Variants in RGPD3 observed in about 807,000 individuals in gnomAD.
RGPD3 encodes the protein ranBP2-like and GRIP domain-containing protein 3.
RGPD3 carries 62 observed loss-of-function variants against 154.5 expected under a neutral mutation model. The ratio of observed to expected loss-of-function variants is 0.40; its 90% CI spans 0.33 to 0.50. The LOEUF is 0.50. Among genes scored for constraint, RGPD3 ranks in the 20% least tolerant of loss-of-function variants. RGPD3 has a pLI of 0.59. For missense variants in RGPD3, 919 were observed against 1,716.8 expected, an observed-to-expected ratio of 0.54 and a Z score of 8.21; for synonymous variants, 308 against 607.0, an observed-to-expected ratio of 0.51 and a Z score of 7.24.
chr2:106,423,706 T>A lies in RGPD3; in HGVS notation c.4261A>T (p.Lys1421Ter). Residue 1421 changes from lysine to a stop codon, truncating the protein, a stop_gained, in exon 20 of 23, where the codon AAA (lysine) becomes TAA (stop). Coordinates refer to ENST00000409886, the MANE Select transcript of RGPD3 (RefSeq NM_001144013.2). LOFTEE classifies it high-confidence loss of function. ...CACACCCATACTCTTTCTGTCCCTT[T>A]CATATTTTGCAAACTCATGTCTGGA... ...ITPDMSLQNMKGTERVWVWTA... is the reference protein window; with the variant it reads ...ITPDMSLQNM 1 of 1,611,044 alleles carries A rather than the reference T, an allele frequency of 6.2e-7. No individual in the cohort carries two copies. The highest frequency in any genetic ancestry group is 8.5e-7 in the Non-Finnish European group (1 of 1,179,468).
Position 106,436,110 on chromosome 2 carries a change from C to T in RGPD3, c.1758+13G>A, listed in dbSNP as rs746163697. ...GTAATGTTCTTTTAAAATGCTTATA[C>T]TTTAAAACTCACCATTTTCTGAAGG... On this transcript the variant is annotated intron_variant, in intron 12 of 22. Transcript: ENST00000409886. 17 of 1,601,370 alleles carry T rather than the reference C, an allele frequency of 1.1e-5. No homozygotes were observed. The highest frequency in any genetic ancestry group is 1.4e-5 in the Non-Finnish European group (16 of 1,176,770).
chr2:106,446,149 TTCCC>T (rs1458836480), intron 7 of RGPD3, among the ~76,000 whole-genome samples: 5 of 121,302 alleles, frequency 4.1e-5, no homozygotes, highest in Non-Finnish European at 8.4e-5. Context: ...ATCCTTTTTT[TTCCC>T]TCCCTAAGCA....
chr2:106,440,492 G>C (rs1419402844), intron 8 of RGPD3, among the ~76,000 whole-genome samples: 2 of 150,718 alleles, frequency 1.3e-5, no homozygotes, highest in Non-Finnish European at 2.9e-5. Context: ...TGCAAGGGTA[G>C]AAGGAAAAGA....
chr2:106,421,119 G>A (rs1676972529), intron 20 of RGPD3, among the ~76,000 whole-genome samples: 1 of 152,072 alleles, frequency 6.6e-6, no homozygotes. Flanking sequence ...ACAGATTCTT[G>A]TTCCACTTCT....
chr2:106,465,970 GTCCC>G (rs2104525901), intron 1 of RGPD3, among the ~76,000 whole-genome samples: 1 of 152,168 alleles, frequency 6.6e-6, no homozygotes, highest in Admixed American at 6.5e-5. Flanking sequence ...AGCTGCGTCA[GTCCC>G]CACTGGGTTC....
At chr2:106,418,466 C>T (rs979435807) in intron 20 of RGPD3, among the ~76,000 whole-genome samples, 6 of 152,074 alleles carry the variant, frequency 3.9e-5, no homozygotes, top group Non-Finnish European at 7.3e-5. Flanking sequence ...ATTGTTGCTG[C>T]TCACACCTAC....
chr2:106,415,408 T>G (rs185303765), intron 21 of RGPD3, among the ~76,000 whole-genome samples: 158 of 152,248 alleles, frequency 1.0e-3, no homozygotes, highest in African/African-American at 3.6e-3. Flanking sequence ...CTGGATGCGG[T>G]GGCTCACGTC....
chr2:106,409,723 C>A (rs1045976898), intron 22 of RGPD3, among the ~76,000 whole-genome samples: 3 of 151,144 alleles, frequency 2.0e-5, no homozygotes, highest in Non-Finnish European at 4.4e-5. Context: ...TCCAGCCATT[C>A]TCTTCATATA....
At chr2:106,441,699 A>T (rs1384962936) in intron 7 of RGPD3, among the ~76,000 whole-genome samples, 83 of 141,510 alleles carry the variant, frequency 5.9e-4, no homozygotes, top group African/African-American at 2.0e-3. Flanking sequence ...TACTAAAAAT[A>T]AAAAAAAAAA....
rs780449280 is a variant in RGPD3, at chr2:106,424,037, A to T, written c.3930T>A (p.Asn1310Lys). 4 of 1,611,590 alleles carry T rather than the reference A, an allele frequency of 2.5e-6. No homozygotes were observed. The African/African-American group carries it at 5.4e-5, about 22-fold the overall frequency. ...LSLSKSPAKL[N>K]QSGTSVGTDE... ...CAGTGCCAACTGAAGTCCCACTCTG[A>T]TTCAACTTGGCAGGAGACTTAGATA... is the stretch of plus-strand genomic sequence containing the variant. The change falls in exon 20 of 23, where the codon AAT (asparagine) becomes AAA (lysine). Residue 1310 changes from asparagine (N) to lysine (K), a missense_variant. Asn to Lys is a moderately conservative substitution (Grantham distance 94, BLOSUM62 0). Coordinates refer to ENST00000409886, the MANE Select transcript of RGPD3 (RefSeq NM_001144013.2).
chr2:106,435,519 G>A (rs1374646541), intron 12 of RGPD3, among the ~76,000 whole-genome samples: 3 of 143,884 alleles, frequency 2.1e-5, no homozygotes, highest in Admixed American at 7.1e-5. Context: ...TAGTAGAGAC[G>A]GGGTTTCACC....
At chr2:106,455,052 G>A (rs1336661227) in intron 4 of RGPD3, among the ~76,000 whole-genome samples, 1 of 152,178 alleles carries the variant, frequency 6.6e-6, no homozygotes, top group East Asian at 1.9e-4. Context: ...TGTAATCCCA[G>A]CACTTTGGGA....
At chr2:106,446,519 A>G (rs62152508) in intron 7 of RGPD3, among the ~76,000 whole-genome samples, 44,370 of 88,024 alleles carry the variant, frequency 0.5, 9,273 homozygotes, top group East Asian at 0.82. Context: ...GCAGTGAGCC[A>G]AGATCGTGCC....
chr2:106,466,296 G>A (rs1351683668), intron 1 of RGPD3, among the ~76,000 whole-genome samples: 4 of 151,722 alleles, frequency 2.6e-5, no homozygotes, highest in Non-Finnish European at 5.9e-5. Context: ...GCCGGCGGGC[G>A]CCGCAACAGA....
intron 18 of RGPD3, among the ~76,000 whole-genome samples, chr2:106,426,953 T>TG (rs1213405142): frequency 1.3e-4 from 19 of 151,242 alleles, no homozygotes; most frequent in African/African-American, 4.6e-4. Context: ...GAAATTACTA[T>TG]GGGGAGGAAG....
chr2:106,423,916 C>G lies in RGPD3; in HGVS notation c.4051G>C (p.Glu1351Gln), dbSNP rs3974054. Residue 1351 changes from glutamate to glutamine, a missense_variant, in exon 20 of 23, where the codon GAG becomes CAG. Coordinates refer to ENST00000409886, the MANE Select transcript of RGPD3 (RefSeq NM_001144013.2). ...LPDLVEVSSG[E>Q]ENEQVVFSHR... The stretch of plus-strand genomic sequence containing the variant: ...CTAAAAACAACTTGTTCATTTTCCT[C>G]ACCACTGGATACTTCAACTAGATCA... 145,470 of 1,611,600 alleles carry G rather than the reference C, an allele frequency of 0.09. 7,135 individuals carry two copies. The highest frequency in any genetic ancestry group is 0.17 in the Admixed American group (10,344 of 59,958).
intron 6 of RGPD3, among the ~76,000 whole-genome samples, chr2:106,448,941 T>C (rs1678019299): frequency 6.6e-6 from 1 of 151,164 alleles, no homozygotes; most frequent in Non-Finnish European, 1.5e-5. Context: ...TCCACCCGCC[T>C]TGGCCTCCCA....
chr2:106,459,461 T>C (rs377600930), intron 1 of RGPD3, 129 bp from the exon 2 acceptor site: 18,701 of 452,014 alleles, frequency 0.041, 346 homozygotes, highest in Middle Eastern at 0.067. Flanking sequence ...AAGTTTTTTT[T>C]AAAGCCTGAC....
chr2:106,467,059 C>A (rs1380157055), intron 1 of RGPD3, among the ~76,000 whole-genome samples: 1 of 123,622 alleles, frequency 8.1e-6, no homozygotes, highest in South Asian at 3.1e-4. Context: ...CAGCGCCGGT[C>A]GGGAGCCATG....
Sources: gnomAD v4.1 joint callset for allele counts (sites outside exome capture counted in the v4.1 genomes callset) on GRCh38, gnomAD v4.1.1 for gene constraint, MANE v1.5 for transcripts, NCBI Gene and HGNC (gene_info 2026-07-23, HGNC 2026-07-21) for gene names.